The following NEXN variants were observed in gnomAD, a reference collection of about 807,000 sequenced individuals.
NEXN encodes the protein nexilin.
Under a neutral mutation model 92.6 loss-of-function variants are expected in NEXN, and 65 were observed. The observed-to-expected ratio is 0.70, with a 90% CI of 0.57 to 0.86. NEXN has a LOEUF of 0.86. Among genes scored for constraint, NEXN ranks in the 40% least tolerant of loss-of-function variants. The pLI, the probability that NEXN is intolerant of heterozygous loss-of-function variation, is 0.00. For missense variants in NEXN, 778 were observed against 771.1 expected, an observed-to-expected ratio of 1.01 and a Z score of -0.11; for synonymous variants, 254 against 242.5, an observed-to-expected ratio of 1.05 and a Z score of -0.44.
chr1:77,929,602 A>C (rs1385007713), intron 9 of NEXN, 98 bp downstream of exon 9: 2 of 1,508,784 alleles, frequency 1.3e-6, no homozygotes, highest in East Asian at 2.3e-5. Context: ...TTATTTCTGG[A>C]AACTGTGCCA....
intron 1 of NEXN, among the ~76,000 whole-genome samples, chr1:77,906,333 A>T (rs1648109911): frequency 6.6e-6 from 1 of 152,202 alleles, no homozygotes. Flanking sequence ...CCAAAATCAC[A>T]TATCTAATAA....
At chr1:77,914,948 T>C (rs2102083527) in intron 1 of NEXN, among the ~76,000 whole-genome samples, 1 of 152,092 alleles carries the variant, frequency 6.6e-6, no homozygotes, top group African/African-American at 2.4e-5. Context: ...AGACATATGC[T>C]TTACATATAA....
At chr1:77,934,558 G>A (rs1332830836) in intron 10 of NEXN, among the ~76,000 whole-genome samples, 1 of 152,224 alleles carries the variant, frequency 6.6e-6, no homozygotes, top group East Asian at 1.9e-4. Flanking sequence ...AAAGCTTTAC[G>A]CTGTCTTTCC....
At chr1:77,937,865 C>G (rs1346016402) in intron 11 of NEXN, among the ~76,000 whole-genome samples, 1 of 151,986 alleles carries the variant, frequency 6.6e-6, no homozygotes. Context: ...AGGTGGTTAA[C>G]AAACAAAAGC....
chr1:77,927,602 CTG>C lies in NEXN; in HGVS notation c.864+740_864+741del, dbSNP rs1169419339. On this transcript the variant is annotated intron_variant, in intron 8 of 12. Transcript: ENST00000334785. ...TGTGCATGCCTCTGTGTGTGTGTGT[CTG>C]TGTGTGTGTGTGTGTGTGTGTGTGT... 3.1e-3 allele frequency among the ~76,000 whole-genome samples: 444 copies of C among 144,774 alleles called. 4 individuals are homozygous for C. The highest frequency in any genetic ancestry group is 7.1e-3 in the Admixed American group (103 of 14,552). 95.0% of individuals were successfully genotyped at this position (144,774 alleles called of 152,430 possible). A position where few individuals can be genotyped will look rare whatever the true frequency, so the allele number is the denominator to read the frequency against.
rs1163824974 is a variant in NEXN, at chr1:77,931,988, TG to T, written c.1054-1293del. ...TGTCACCCAGGCTGGAGTACAATGG[TG>T]CAATCTCGGCTCACTGCAACTTCCA... On this transcript the variant is annotated intron_variant, in intron 9 of 12. Coordinates refer to ENST00000334785, the MANE Select transcript of NEXN (RefSeq NM_144573.4). 3 of 152,268 alleles carry T rather than the reference TG, an allele frequency of 2.0e-5. No individual in the cohort carries two copies. In the East Asian group the frequency reaches 5.8e-4, roughly 29 times the overall value. The allele number at this position is 152,268 out of a possible 1,614,324, so 9.4% of individuals were successfully genotyped here. A position where few individuals can be genotyped will look rare whatever the true frequency, so the allele number is the denominator to read the frequency against.
rs968415859 is a variant in NEXN at position 77,907,813 on chromosome 1, A to C, written c.-52-8242A>C. Among the ~76,000 whole-genome samples the C allele has an allele frequency of 2.6e-5, 4 of 152,290 alleles. No individual in the cohort carries two copies. The East Asian group carries it at 5.8e-4, about 22-fold the overall frequency. ...ATTAATTATTCACTGTCAGTAAGCCACCCAATTTTCTTTCATTTCACACAC... is the reference window on the plus strand; with the variant it reads ...ATTAATTATTCACTGTCAGTAAGCCCCCCAATTTTCTTTCATTTCACACAC... On this transcript the variant is annotated intron_variant, in intron 1 of 12. Transcript: ENST00000334785.
chr1:77,928,728 A>G (rs555551425), intron 8 of NEXN, among the ~76,000 whole-genome samples: 286 of 152,256 alleles, frequency 1.9e-3, no homozygotes, highest in African/African-American at 6.7e-3. Context: ...TACCAAAGAG[A>G]TTCTGTGTAG....
chr1:77,901,817 C>A (rs1647737679), intron 1 of NEXN, among the ~76,000 whole-genome samples: 1 of 152,120 alleles, frequency 6.6e-6, no homozygotes, highest in African/African-American at 2.4e-5. Flanking sequence ...TTGCCCAAAC[C>A]AGATTCAAAC....
Position 77,942,967 on chromosome 1 carries a change from T to C in NEXN, c.*138T>C. 1 of 1,233,116 alleles carries C rather than the reference T, an allele frequency of 8.1e-7. No homozygotes were observed. The highest frequency in any genetic ancestry group is 1.2e-6 in the Non-Finnish European group (1 of 866,072). 76.4% of individuals were successfully genotyped at this position (1,233,116 alleles called of 1,614,324 possible). On this transcript the variant is annotated 3_prime_UTR_variant, in exon 13 of 13. Coordinates refer to ENST00000334785, the MANE Select transcript of NEXN (RefSeq NM_144573.4). ...CTTTCACTCCAACTTTCTTACTACA[T>C]CCATCTTTTCTGTGGCGGGGCCAAA... is the stretch of plus-strand genomic sequence containing the variant.
chr1:77,939,439 C>G (rs1281948346), intron 11 of NEXN, among the ~76,000 whole-genome samples: 1 of 152,144 alleles, frequency 6.6e-6, no homozygotes, highest in Non-Finnish European at 1.5e-5. Context: ...TGGAGAACAC[C>G]AATATTTAGT....
chr1:77,897,776 A>C (rs938244216), intron 1 of NEXN, among the ~76,000 whole-genome samples: 2 of 151,670 alleles, frequency 1.3e-5, no homozygotes, highest in South Asian at 4.2e-4. Flanking sequence ...GTCTCAGCCC[A>C]AAATCTCCTT....
chr1:77,932,287 T>G (rs1571148237), intron 9 of NEXN, among the ~76,000 whole-genome samples: 1 of 152,348 alleles, frequency 6.6e-6, no homozygotes, highest in East Asian at 1.9e-4. Context: ...GTATTTGTGT[T>G]GACTTTAGAC....
Position 77,927,987 on chromosome 1 carries a change from G to T in NEXN, c.864+1095G>T, listed in dbSNP as rs146968311. ...TCAACAGAAAGTAAAACTGAAATAAGAAAACACTGATTCCAAACCTCGTTT... is the reference window on the plus strand; with the variant it reads ...TCAACAGAAAGTAAAACTGAAATAATAAAACACTGATTCCAAACCTCGTTT... On this transcript the variant is annotated intron_variant, in intron 8 of 12. Transcript: ENST00000334785. Among the ~76,000 whole-genome samples, 11 of 152,062 alleles carry T rather than the reference G, an allele frequency of 7.2e-5. 1 individual carries two copies. In the East Asian group the frequency reaches 1.9e-3, roughly 27 times the overall value.
At chr1:77,937,798 T>C (rs1038410824) in intron 11 of NEXN, among the ~76,000 whole-genome samples, 1 of 152,244 alleles carries the variant, frequency 6.6e-6, no homozygotes, top group African/African-American at 2.4e-5. Context: ...CCTGTTCATA[T>C]AGTGTTTAGA....
chr1:77,898,851 A>T (rs1271054275), intron 1 of NEXN, among the ~76,000 whole-genome samples: 2 of 152,266 alleles, frequency 1.3e-5, no homozygotes, highest in Non-Finnish European at 2.9e-5. Context: ...GGCAAAGGTT[A>T]TGAACAGACA....
At chr1:77,935,127 A>C (rs1192600906) in intron 10 of NEXN, among the ~76,000 whole-genome samples, 8 of 152,116 alleles carry the variant, frequency 5.3e-5, no homozygotes, top group Non-Finnish European at 1.2e-4. Context: ...GCAGTGGCAC[A>C]ATCTCGGCTC....
intron 1 of NEXN, among the ~76,000 whole-genome samples, chr1:77,906,890 A>G (rs1648154825): frequency 6.6e-6 from 1 of 152,084 alleles, no homozygotes; most frequent in Non-Finnish European, 1.5e-5. Flanking sequence ...TCCTGCCTCA[A>G]GTGATTCCCC....
chr1:77,902,299 C>T (rs112301955), intron 1 of NEXN, among the ~76,000 whole-genome samples: 98 of 152,114 alleles, frequency 6.4e-4, no homozygotes, highest in Non-Finnish European at 1.2e-3. Flanking sequence ...TTTCCTTTAA[C>T]GTACTGCAGT....
Sources: gnomAD v4.1 joint callset for allele counts (sites outside exome capture counted in the v4.1 genomes callset) on GRCh38, gnomAD v4.1.1 for gene constraint, MANE v1.5 for transcripts, NCBI Gene and HGNC (gene_info 2026-07-23, HGNC 2026-07-21) for gene names.